Variants in NNT observed in about 807,000 individuals in gnomAD.
The protein encoded by NNT is nicotinamide nucleotide transhydrogenase.
A neutral mutation model predicts 104.8 loss-of-function variants in NNT; 50 were observed. That is an observed-to-expected ratio of 0.48 (90% CI 0.38 to 0.60). NNT has a LOEUF of 0.60. NNT is among the 20% of genes least tolerant of loss of function. The probability of loss-of-function intolerance (pLI) is 0.00; values close to 1 mark genes in which losing one functional copy is unlikely to be tolerated. For synonymous variants in NNT, 461 were observed against 490.4 expected (o/e 0.94, Z 0.79); for missense variants, 1,131 against 1,330.7 (o/e 0.85, Z 2.33).
intron 17 of NNT, among the ~76,000 whole-genome samples, chr5:43,661,859 C>T (rs371917076): frequency 2.0e-5 from 3 of 151,910 alleles, no homozygotes; most frequent in Non-Finnish European, 2.9e-5. Context: ...TGAATAGTGC[C>T]GCAATAAACA....
At chr5:43,621,093 CTG>C in intron 5 of NNT, among the ~76,000 whole-genome samples, 1 of 152,334 alleles carries the variant, frequency 6.6e-6, no homozygotes, top group South Asian at 2.1e-4. Context: ...TTGCATAATA[CTG>C]TCTTTTATTT....
intron 7 of NNT, among the ~76,000 whole-genome samples, chr5:43,640,303 TCCATGTTTAGTTATGC>T (rs1020399128): frequency 6.6e-5 from 10 of 152,162 alleles, no homozygotes; most frequent in Admixed American, 2.0e-4. Context: ...CTGTTTGTAT[TCCATGTTTAGTTATGC>T]CCATGTCTCC....
intron 19 of NNT, among the ~76,000 whole-genome samples, chr5:43,690,303 GTGT>G (rs1265880212): frequency 6.6e-6 from 1 of 151,738 alleles, no homozygotes; most frequent in African/African-American, 2.4e-5. Context: ...TAACAAATTT[GTGT>G]TGTTTGAAGG....
intron 5 of NNT, among the ~76,000 whole-genome samples, chr5:43,623,307 A>G (rs982960718): frequency 1.3e-5 from 2 of 152,198 alleles, no homozygotes; most frequent in African/African-American, 4.8e-5. Flanking sequence ...TATGGGATAT[A>G]TAACAGGACT....
intron 19 of NNT, among the ~76,000 whole-genome samples, chr5:43,686,232 T>C (rs1475727981): frequency 6.6e-6 from 1 of 151,320 alleles, no homozygotes. Context: ...TAACAAATAC[T>C]GTTGAATTTT....
chr5:43,646,175 C>T (rs1739417401), intron 10 of NNT, among the ~76,000 whole-genome samples: 1 of 152,116 alleles, frequency 6.6e-6, no homozygotes, highest in Admixed American at 6.5e-5. Context: ...TAAATAGAGG[C>T]ACTGTGCTAA....
chr5:43,699,352 C>T (rs1742730281), intron 19 of NNT, among the ~76,000 whole-genome samples: 1 of 81,522 alleles, frequency 1.2e-5, no homozygotes, highest in Non-Finnish European at 2.3e-5. Context: ...TATCTCCCTA[C>T]CTTTTTTTTT....
Position 43,694,431 on chromosome 5 carries a change from C to T in NNT, c.2877-5688C>T, listed in dbSNP as rs528289340. Among the ~76,000 whole-genome samples the T allele has an allele frequency of 1.5e-3, 229 of 152,226 alleles. 1 individual carries two copies. The highest frequency in any genetic ancestry group is 5.3e-3 in the African/African-American group (222 of 41,514). On this transcript the variant is annotated intron_variant, in intron 19 of 21. Transcript: ENST00000344920. Reference sequence around the variant, plus strand: ...GGCCATGGGTTTGTCATAGATGGCTCTTACTATTTTGAGGTATGTTCCTTT... The same window carrying T: ...GGCCATGGGTTTGTCATAGATGGCTTTTACTATTTTGAGGTATGTTCCTTT...
intron 13 of NNT, 59 bp from the exon 14 acceptor site, chr5:43,652,959 T>A (rs1040356309): frequency 2.3e-6 from 3 of 1,331,212 alleles, no homozygotes; most frequent in Non-Finnish European, 3.1e-6. Context: ...TATATTGAAA[T>A]CTCTAAGCTA....
chr5:43,619,041 T>C lies in NNT; in HGVS notation c.609T>C (p.Ala203=). 1 of 1,540,280 alleles carries C rather than the reference T, an allele frequency of 6.5e-7. No individual in the cohort carries two copies. Reference sequence around the variant, plus strand: ...TTATTTATTTTTAAAGTTATAAGGCTGTTGTCCTAGCAGCAAATCATTTTG... The same window carrying C: ...TTATTTATTTTTAAAGTTATAAGGCCGTTGTCCTAGCAGCAAATCATTTTG... ...SSMANIAGYK[A]VVLAANHFGR... Residue 203 remains alanine, a synonymous_variant, in exon 5 of 22, where the codon GCT becomes GCC. Transcript: ENST00000344920.
chr5:43,662,700 C>T (rs773806028), intron 17 of NNT, among the ~76,000 whole-genome samples: 1 of 152,024 alleles, frequency 6.6e-6, no homozygotes, highest in Non-Finnish European at 1.5e-5. Context: ...CAAGACCAAC[C>T]TGGGCAACAT....
At chr5:43,663,734 G>A (rs567304331) in intron 17 of NNT, among the ~76,000 whole-genome samples, 13 of 152,166 alleles carry the variant, frequency 8.5e-5, no homozygotes, top group Admixed American at 2.0e-4. Flanking sequence ...TTTAATCCCC[G>A]CACAAATTCT....
At chr5:43,604,859 A>G (rs935354025) in intron 1 of NNT, among the ~76,000 whole-genome samples, 2 of 151,836 alleles carry the variant, frequency 1.3e-5, no homozygotes, top group Admixed American at 6.6e-5. Flanking sequence ...TTTTTTAGCA[A>G]TGGGGGTCTC....
chr5:43,644,208 T>A lies in NNT; in HGVS notation c.981T>A (p.Val327=). Residue 327 remains valine (V), a synonymous_variant, in exon 8 of 22, where the codon GTT becomes GTA. Transcript: ENST00000344920. ...TALIPGKKAP[V]LFNKEMIESM... ...TTTTATTAGGTAAAAAAGCTCCAGT[T>A]TTATTTAATAAAGAAATGATTGAGT... 1 of 1,605,390 alleles carries A rather than the reference T, an allele frequency of 6.2e-7. No individual in the cohort carries two copies. The highest frequency in any genetic ancestry group is 8.5e-7 in the Non-Finnish European group (1 of 1,177,434).
intron 19 of NNT, among the ~76,000 whole-genome samples, chr5:43,678,659 C>A (rs765105221): frequency 1.1e-4 from 16 of 152,210 alleles, no homozygotes; most frequent in Admixed American, 9.8e-4. Flanking sequence ...AAGAGCAAGA[C>A]CAAGTAATAA....
At chr5:43,655,662 C>T (rs954474942) in intron 14 of NNT, among the ~76,000 whole-genome samples, 178 bp from the exon 15 acceptor site, 2 of 152,224 alleles carry the variant, frequency 1.3e-5, no homozygotes, top group South Asian at 4.1e-4. Context: ...GATACTCAAC[C>T]TGTATACAAC....
At chr5:43,614,622 A>G (rs1394270765) in intron 3 of NNT, among the ~76,000 whole-genome samples, 2 of 152,338 alleles carry the variant, frequency 1.3e-5, no homozygotes, top group East Asian at 3.9e-4. Flanking sequence ...TCTCATAGGT[A>G]AATTGAGGTG....
chr5:43,677,906 C>A, intron 19 of NNT, 100 bp downstream of exon 19: 2 of 883,506 alleles, frequency 2.3e-6, no homozygotes, highest in Non-Finnish European at 3.7e-6. Flanking sequence ...GGTTAGGGCA[C>A]TGACCCGCCC....
chr5:43,649,875 G>A (rs1057014830), intron 11 of NNT, among the ~76,000 whole-genome samples: 1 of 152,170 alleles, frequency 6.6e-6, no homozygotes, highest in Non-Finnish European at 1.5e-5. Flanking sequence ...CCTAGCAATG[G>A]GTCAGATATG....
Sources: gnomAD v4.1 joint callset for allele counts (sites outside exome capture counted in the v4.1 genomes callset) on GRCh38, gnomAD v4.1.1 for gene constraint, MANE v1.5 for transcripts, NCBI Gene and HGNC (gene_info 2026-07-23, HGNC 2026-07-21) for gene names.